The following ATP23 variants were observed in gnomAD, a reference collection of about 807,000 sequenced individuals.
The protein encoded by ATP23 is ATP23 metallopeptidase and ATP synthase assembly factor homolog, also known as mitochondrial inner membrane protease ATP23 homolog.
ATP23 carries 24 observed loss-of-function variants against 28.5 expected under a neutral mutation model. That is an observed-to-expected ratio of 0.84 (90% CI 0.61 to 1.18). The LOEUF (loss-of-function observed/expected upper bound fraction) is 1.18. ATP23 is among the 50% of genes most tolerant of loss of function. The probability of loss-of-function intolerance (pLI) is 0.00; values close to 1 mark genes in which losing one functional copy is unlikely to be tolerated. For missense variants in ATP23, 274 were observed against 306.4 expected (o/e 0.89, Z 0.79); for synonymous variants, 99 against 108.6 (o/e 0.91, Z 0.55).
rs138478604 is a variant in ATP23, at chr12:57,951,081, T to C, written c.316-677T>C. ...ATTACTATTAGGATCCCTTGTGTCT[T>C]TCTTATTCTTATAGGGTCCTGCTCA... On this transcript the variant is annotated intron_variant, in intron 3 of 5. Coordinates refer to ENST00000300145, the MANE Select transcript of ATP23 (RefSeq NM_033276.4). Among the ~76,000 whole-genome samples, 50 of 152,338 alleles carry C rather than the reference T, an allele frequency of 3.3e-4. 1 individual carries two copies. Among genetic ancestry groups the C allele is most frequent in the Middle Eastern group, 6.8e-3 (2 of 294 alleles).
At chr12:57,954,210 A>T (rs1044052898) in intron 5 of ATP23, among the ~76,000 whole-genome samples, 2 of 151,692 alleles carry the variant, frequency 1.3e-5, no homozygotes, top group African/African-American at 2.4e-5. Context: ...AAAAAAAAAA[A>T]AAAAAGGAGC....
intron 1 of ATP23, among the ~76,000 whole-genome samples, chr12:57,942,475 G>C (rs1204537631): frequency 6.6e-6 from 1 of 151,778 alleles, no homozygotes; most frequent in Non-Finnish European, 1.5e-5. Flanking sequence ...CCAGGCTGGG[G>C]TGCAGTGGCG....
At position 57,956,849 on chromosome 12, in the gene ATP23, A is replaced by G. The variant is rs1000748061; in HGVS notation, c.700A>G (p.Arg234Gly). The part of the protein sequence containing the change: ...HNKTYARYAH[R>G]DFENRDRYYS... ...CAAGACTTATGCAAGATATGCTCAC[A>G]GAGACTTTGAAAACCGTGATCGGTA... Residue 234 changes from arginine to glycine, a missense_variant, in exon 6 of 6, where the codon AGA becomes GGA. Coordinates refer to ENST00000300145, the MANE Select transcript of ATP23 (RefSeq NM_033276.4). 1 of 1,613,110 alleles carries G rather than the reference A, an allele frequency of 6.2e-7. No individual in the cohort carries two copies. The highest frequency in any genetic ancestry group is 1.3e-5 in the African/African-American group (1 of 74,910).
intron 4 of ATP23, 66 bp from the exon 5 acceptor site, chr12:57,953,540 G>T: frequency 2.3e-6 from 3 of 1,304,246 alleles, no homozygotes; most frequent in Non-Finnish European, 3.2e-6. Context: ...TTAAAAATTG[G>T]TTGATATCAT....
chr12:57,947,677 A>G (rs1035649881), intron 3 of ATP23, among the ~76,000 whole-genome samples: 1 of 152,274 alleles, frequency 6.6e-6, no homozygotes, highest in South Asian at 2.1e-4. Flanking sequence ...TTGGGCAACG[A>G]TTGTATCTAT....
intron 3 of ATP23, among the ~76,000 whole-genome samples, chr12:57,948,677 C>T (rs1427289502): frequency 6.6e-6 from 1 of 152,178 alleles, no homozygotes; most frequent in East Asian, 1.9e-4. Flanking sequence ...ATAAAGTGCA[C>T]ACCTATGTAA....
chr12:57,953,116 G>A (rs758121156), intron 4 of ATP23, among the ~76,000 whole-genome samples: 3 of 152,136 alleles, frequency 2.0e-5, no homozygotes, highest in African/African-American at 4.8e-5. Context: ...GGGAGATTCG[G>A]GCAAGGGTTG....
In ATP23 at chr12:57,941,764, A is replaced by G. The variant is rs2140523899; in HGVS notation, c.63A>G (p.Gln21=). 3 of 1,601,022 alleles carry G rather than the reference A, an allele frequency of 1.9e-6. No individual in the cohort carries two copies. The highest frequency in any genetic ancestry group is 1.1e-5 in the South Asian group (1 of 89,242). Residue 21 remains glutamine (Q), a synonymous_variant, in exon 1 of 6, where the codon CAA becomes CAG. Coordinates refer to ENST00000300145, the MANE Select transcript of ATP23 (RefSeq NM_033276.4). ...CGGCAGGGGAGCAGCTGCAGCAGCAACACGTCTCTTGCCAGGTCTTCCCCG... is the reference window on the plus strand; with the variant it reads ...CGGCAGGGGAGCAGCTGCAGCAGCAGCACGTCTCTTGCCAGGTCTTCCCCG... ...GPAAGEQLQQ[Q]HVSCQVFPER... is the part of the protein sequence containing the mutation.
chr12:57,953,993 G>C (rs994549087), intron 5 of ATP23, among the ~76,000 whole-genome samples: 1 of 152,044 alleles, frequency 6.6e-6, no homozygotes, highest in African/African-American at 2.4e-5. Context: ...AGGAGATCGA[G>C]ACCAGCGTGG....
intron 1 of ATP23, among the ~76,000 whole-genome samples, chr12:57,944,443 C>A (rs1029131047): frequency 1.3e-5 from 2 of 152,150 alleles, no homozygotes; most frequent in African/African-American, 4.8e-5. Context: ...CTTGTACTTT[C>A]CTGTAGTAGT....
At chr12:57,944,302 G>T (rs1956738575) in intron 1 of ATP23, among the ~76,000 whole-genome samples, 1 of 151,734 alleles carries the variant, frequency 6.6e-6, no homozygotes, top group Non-Finnish European at 1.5e-5. Flanking sequence ...ACCTATTTTT[G>T]CCTTCAACAT....
At chr12:57,949,998 A>C (rs1028341673) in intron 3 of ATP23, among the ~76,000 whole-genome samples, 1 of 152,068 alleles carries the variant, frequency 6.6e-6, no homozygotes, top group African/African-American at 2.4e-5. Context: ...TTCTATCAAC[A>C]TATTTTGTCT....
rs755004874 is a variant in ATP23, at chr12:57,958,752, C to A, written c.*1862C>A. Among the ~76,000 whole-genome samples, 1 of 152,226 alleles carries A rather than the reference C, an allele frequency of 6.6e-6. No homozygotes were observed. Among genetic ancestry groups the A allele is most frequent in the Non-Finnish European group, 1.5e-5 (1 of 68,050 alleles). ...CTGAACAATGGCCTTCAGCCCTAGA[C>A]CTTCCCTTTGACAGAGACTACCCAA... On this transcript the variant is annotated 3_prime_UTR_variant, in exon 6 of 6. Transcript: ENST00000300145.
At chr12:57,941,991 C>A in intron 1 of ATP23, 103 bp downstream of exon 1, 1 of 1,432,776 alleles carries the variant, frequency 7.0e-7, no homozygotes, top group Non-Finnish European at 9.4e-7. Context: ...TCAGGTTCAG[C>A]ACAGAGTCTA....
chr12:57,950,383 A>G (rs1451608115), intron 3 of ATP23, among the ~76,000 whole-genome samples: 1 of 151,978 alleles, frequency 6.6e-6, no homozygotes, highest in African/African-American at 2.4e-5. Flanking sequence ...CGCTTTGCAT[A>G]GGTTTTTCTC....
At chr12:57,946,539 C>T (rs536245917) in intron 2 of ATP23, among the ~76,000 whole-genome samples, 2 of 148,658 alleles carry the variant, frequency 1.3e-5, no homozygotes, top group Non-Finnish European at 3.0e-5. Flanking sequence ...CTCACCGCAA[C>T]CTCCGCCTCC....
intron 5 of ATP23, among the ~76,000 whole-genome samples, chr12:57,954,987 T>C (rs61484187): frequency 0.045 from 6,904 of 152,220 alleles, 546 homozygotes; most frequent in African/African-American, 0.16. Context: ...TGTCTTGTGC[T>C]GCATGTTTTC....
At chr12:57,941,935 G>A (rs771076621) in intron 1 of ATP23, 47 bp downstream of exon 1, 1 of 1,591,988 alleles carries the variant, frequency 6.3e-7, no homozygotes, top group South Asian at 1.1e-5. Flanking sequence ...ATGGGTCTGA[G>A]ACCGGGTGGG....
chr12:57,957,463 T>C lies in ATP23; in HGVS notation c.*573T>C, dbSNP rs147240801. ...GCAGTGCTCGAATTTTAGCTCCAGA[T>C]CGACTGCAAGAACAAACCAGCAATA... is the stretch of plus-strand genomic sequence containing the variant. On this transcript the variant is annotated 3_prime_UTR_variant, in exon 6 of 6. Coordinates refer to ENST00000300145, the MANE Select transcript of ATP23 (RefSeq NM_033276.4). Among the ~76,000 whole-genome samples, 29 of 152,240 alleles carry C rather than the reference T, an allele frequency of 1.9e-4. No individual in the cohort carries two copies. The East Asian group carries it at 5.4e-3, about 28-fold the overall frequency.
Sources: allele counts gnomAD v4.1 joint callset (sites outside exome capture counted in the v4.1 genomes callset), GRCh38; gene constraint gnomAD v4.1.1; transcripts MANE v1.5; gene names NCBI Gene and HGNC (gene_info 2026-07-23, HGNC 2026-07-21).